The following ANKRD40 variants were observed in gnomAD, a reference collection of about 807,000 sequenced individuals.
ANKRD40 encodes ankyrin repeat domain-containing protein 40.
ANKRD40 carries 24 observed loss-of-function variants against 35.5 expected under a neutral mutation model. That is an observed-to-expected ratio of 0.68 (90% CI 0.49 to 0.95). ANKRD40 has a LOEUF of 0.95. Among genes scored for constraint, ANKRD40 ranks in the 40% least tolerant of loss-of-function variants. The pLI is 0.00. For synonymous variants in ANKRD40, 147 were observed against 173.5 expected (o/e 0.85, Z 1.20); for missense variants, 361 against 436.0 (o/e 0.83, Z 1.53).
chr17:50,706,013 T>G lies in ANKRD40; in HGVS notation c.134+1508A>C, dbSNP rs73346397. Among the ~76,000 whole-genome samples, 705 of 151,972 alleles carry G rather than the reference T, an allele frequency of 4.6e-3. 4 individuals are homozygous for G. The highest frequency in any genetic ancestry group is 0.016 in the African/African-American group (661 of 41,438). ...AAACCATGGTTCTGGTGCTATCATATTAATAGTTATGTGGCCTAGGGCAAG... is the reference window on the plus strand; with the variant it reads ...AAACCATGGTTCTGGTGCTATCATAGTAATAGTTATGTGGCCTAGGGCAAG... On this transcript the variant is annotated intron_variant, in intron 1 of 4. Coordinates refer to ENST00000285243, the MANE Select transcript of ANKRD40 (RefSeq NM_052855.4).
At chr17:50,696,756 C>CAA (rs56236009) in intron 4 of ANKRD40, 184 bp downstream of exon 4, 32,175 of 324,714 alleles carry the variant, frequency 0.099, 1,650 homozygotes, top group African/African-American at 0.26. Flanking sequence ...CTTGACTTGC[C>CAA]AAAAAAAAAA....
In ANKRD40 at chr17:50,699,701, C is replaced by A; in HGVS notation, c.476G>T (p.Gly159Val). 6.2e-7 allele frequency: 1 copy of A among 1,613,964 alleles called. No homozygotes were observed. Among genetic ancestry groups the A allele is most frequent in the Non-Finnish European group, 8.5e-7 (1 of 1,179,900 alleles). ...STPPASPPADGSPPLLPPGEP... is the reference protein window; with the variant it reads ...STPPASPPADVSPPLLPPGEP... Reference sequence around the variant, plus strand: ...CCCAGGGGGAAGCAATGGAGGTGAGCCATCTGCAGGGGGTGATGCAGGGGG... The same window carrying A: ...CCCAGGGGGAAGCAATGGAGGTGAGACATCTGCAGGGGGTGATGCAGGGGG... Residue 159 changes from glycine to valine, a missense_variant, in exon 3 of 5, where the codon GGC becomes GTC. By Grantham distance (109) the Gly-to-Val change is moderately radical. Around this residue, in one of 5 missense-constraint regions of ANKRD40, gnomAD observed 172 missense variants for 174.0 expected, o/e 0.99. Coordinates refer to ENST00000285243, the MANE Select transcript of ANKRD40 (RefSeq NM_052855.4).
In ANKRD40 at chr17:50,697,115, ACCAGCTCT is replaced by A. The variant is rs1379396767; in HGVS notation, c.779-2_784del. 1.9e-6 allele frequency: 3 copies of A among 1,611,442 alleles called. No homozygotes were observed. The highest frequency in any genetic ancestry group is 3.4e-5 in the Admixed American group (2 of 59,184). On this transcript the variant is annotated splice_acceptor_variant and coding_sequence_variant, in exon 4 of 5. Coordinates refer to ENST00000285243, the MANE Select transcript of ANKRD40 (RefSeq NM_052855.4). LOFTEE classifies it high-confidence loss of function. ...TGGGTTCTGAATTCTCACCTTGAGT[ACCAGCTCT>A]AGAAAAAAAAGGAGAAATGTTAATG...
chr17:50,695,837 G>C lies in ANKRD40; in HGVS notation c.*160C>G. The C allele has an allele frequency of 1.3e-6, 1 of 762,374 alleles. No homozygotes were observed. Among genetic ancestry groups the C allele is most frequent in the Non-Finnish European group, 2.0e-6 (1 of 498,070 alleles). The allele number at this position is 762,374 out of a possible 1,614,324, so 47.2% of individuals were successfully genotyped here. A position where few individuals can be genotyped will look rare whatever the true frequency, so the allele number is the denominator to read the frequency against. On this transcript the variant is annotated 3_prime_UTR_variant, in exon 5 of 5. Coordinates refer to ENST00000285243, the MANE Select transcript of ANKRD40 (RefSeq NM_052855.4). ...TGGAAGAGTGGCACCACTGCTTGGG[G>C]GTCAGGGGCTTCCTACCTTGGCAGA...
At chr17:50,702,683 A>G (rs1968285592) in intron 1 of ANKRD40, among the ~76,000 whole-genome samples, 1 of 152,152 alleles carries the variant, frequency 6.6e-6, no homozygotes, top group African/African-American at 2.4e-5. Flanking sequence ...AAAGGAGGTA[A>G]TTTACTACCA....
Position 50,697,137 on chromosome 17 carries a change from G to A in ANKRD40, c.779-16C>T. On this transcript the variant is annotated splice_polypyrimidine_tract_variant and intron_variant, in intron 3 of 4. Transcript: ENST00000285243. The stretch of plus-strand genomic sequence containing the variant: ...AGTACCAGCTCTAGAAAAAAAAGGA[G>A]AAATGTTAATGAATAGTTCTGGCAC... The A allele has an allele frequency of 1.2e-6, 2 of 1,604,532 alleles. No individual in the cohort carries two copies. The highest frequency in any genetic ancestry group is 8.5e-7 in the Non-Finnish European group (1 of 1,175,270).
intron 3 of ANKRD40, among the ~76,000 whole-genome samples, chr17:50,698,882 A>C (rs1168628795): frequency 6.6e-6 from 1 of 151,346 alleles, no homozygotes; most frequent in Non-Finnish European, 1.5e-5. Context: ...ATTCACACCT[A>C]TAATCTCAGC....
At chr17:50,696,776 G>T in intron 4 of ANKRD40, 164 bp downstream of exon 4, 3 of 493,136 alleles carry the variant, frequency 6.1e-6, no homozygotes, top group Non-Finnish European at 6.3e-6. Context: ...AAAAAAGCCA[G>T]TGTCCCTATA....
chr17:50,699,332 C>A, intron 3 of ANKRD40, 67 bp downstream of exon 3: 1 of 1,559,018 alleles, frequency 6.4e-7, no homozygotes, highest in Non-Finnish European at 8.7e-7. Flanking sequence ...CAGAATACCT[C>A]ATTAAATCCC....
chr17:50,705,250 A>G (rs1021452379), intron 1 of ANKRD40, among the ~76,000 whole-genome samples: 1 of 152,190 alleles, frequency 6.6e-6, no homozygotes, highest in African/African-American at 2.4e-5. Context: ...AAAATGAAGC[A>G]TCTCAGGCAA....
Position 50,695,802 on chromosome 17 carries a change from C to A in ANKRD40, c.*195G>T, listed in dbSNP as rs986409097. 2 of 561,538 alleles carry A rather than the reference C, an allele frequency of 3.6e-6. No homozygotes were observed. Among genetic ancestry groups the A allele is most frequent in the African/African-American group, 1.9e-5 (1 of 53,394 alleles). 34.8% of individuals were successfully genotyped at this position (561,538 alleles called of 1,614,324 possible). On this transcript the variant is annotated 3_prime_UTR_variant, in exon 5 of 5. Coordinates refer to ENST00000285243, the MANE Select transcript of ANKRD40 (RefSeq NM_052855.4). Reference sequence around the variant, plus strand: ...CTTCAAGCAATAGGTTTACTGTGCACCAAGAGGCTTGGAAGAGTGGCACCA... The same window carrying A: ...CTTCAAGCAATAGGTTTACTGTGCAACAAGAGGCTTGGAAGAGTGGCACCA...
Position 50,695,869 on chromosome 17 carries a change from TTAG to T in ANKRD40, c.*125_*127del, listed in dbSNP as rs2146655055. ...GGCTTCCTACCTTGGCAGAATGATG[TTAG>T]TATATACTATGCAGTGGCACCAGAG... On this transcript the variant is annotated 3_prime_UTR_variant, in exon 5 of 5. Coordinates refer to ENST00000285243, the MANE Select transcript of ANKRD40 (RefSeq NM_052855.4). 1 of 1,120,414 alleles carries T rather than the reference TTAG, an allele frequency of 8.9e-7. No homozygotes were observed. Among genetic ancestry groups the T allele is most frequent in the East Asian group, 2.4e-5 (1 of 40,962 alleles). 69.4% of individuals were successfully genotyped at this position (1,120,414 alleles called of 1,614,324 possible).
rs1968157816 is a variant in ANKRD40, at chr17:50,693,672, G to A, written c.*2325C>T. On this transcript the variant is annotated 3_prime_UTR_variant, in exon 5 of 5. Coordinates refer to ENST00000285243, the MANE Select transcript of ANKRD40 (RefSeq NM_052855.4). ...CTGCTCCACTTTAATTAATCTGGGT[G>A]GCTGAAAGTGTTTTAACCCAAGTAA... The A allele has an allele frequency of 6.6e-6, 1 of 152,224 alleles. No homozygotes were observed. The highest frequency in any genetic ancestry group is 6.5e-5 in the Admixed American group (1 of 15,288). 9.4% of individuals were successfully genotyped at this position (152,224 alleles called of 1,614,324 possible). A position where few individuals can be genotyped will look rare whatever the true frequency, so the allele number is the denominator to read the frequency against.
chr17:50,704,975 G>A (rs1412824994), intron 1 of ANKRD40, among the ~76,000 whole-genome samples: 3 of 152,036 alleles, frequency 2.0e-5, no homozygotes, highest in Admixed American at 6.5e-5. Context: ...TTAGCCGGGC[G>A]TGGTGGCGGG....
chr17:50,699,865 A>G lies in ANKRD40; in HGVS notation c.312T>C (p.Asp104=), dbSNP rs757230507. The change falls in exon 3 of 5, where the codon GAT becomes GAC. Residue 104 remains aspartate (D), a synonymous_variant. Coordinates refer to ENST00000285243, the MANE Select transcript of ANKRD40 (RefSeq NM_052855.4). The part of the protein sequence containing the change: ...GVEEEDDDDD[D]DDNLPQLKKE... The stretch of plus-strand genomic sequence containing the variant: ...TCTTCAGCTGGGGGAGGTTGTCATC[A>G]TCATCATCATCATCATCTTCTTCTT... 8.6e-6 allele frequency: 13 copies of G among 1,511,752 alleles called. No homozygotes were observed. In the African/African-American group the frequency reaches 1.8e-4, roughly 21 times the overall value. The allele number at this position is 1,511,752 out of a possible 1,614,324, so 93.6% of individuals were successfully genotyped here.
chr17:50,705,007 G>A (rs1193421830), intron 1 of ANKRD40, among the ~76,000 whole-genome samples: 3 of 151,690 alleles, frequency 2.0e-5, no homozygotes, highest in Admixed American at 6.6e-5. Flanking sequence ...CCAGCTACTC[G>A]GGAGGCTGAG....
Position 50,696,950 on chromosome 17 carries a change from A to T in ANKRD40, c.950T>A (p.Leu317Gln). 6.2e-7 allele frequency: 1 copy of T among 1,601,730 alleles called. No individual in the cohort carries two copies. The highest frequency in any genetic ancestry group is 8.5e-7 in the Non-Finnish European group (1 of 1,175,044). The change falls in exon 4 of 5, where the codon CTG becomes CAG. Residue 317 changes from leucine to glutamine, a missense_variant. Transcript: ENST00000285243. ...VEKIRKLPNT[L>Q]LRKDKDVARL... ...TTAGACTTTTCTTACCTTCCTTAAC[A>T]GAGTATTGGGTAACTTTCTGATCTT... is the stretch of plus-strand genomic sequence containing the variant.
chr17:50,706,039 T>C (rs553122787), intron 1 of ANKRD40, among the ~76,000 whole-genome samples: 16 of 152,138 alleles, frequency 1.1e-4, no homozygotes, highest in African/African-American at 3.9e-4. Context: ...CTAGGGCAAG[T>C]TATTCTCTGT....
chr17:50,707,734 C>A lies in ANKRD40; in HGVS notation c.-80G>T. On this transcript the variant is annotated 5_prime_UTR_variant, in exon 1 of 5. Transcript: ENST00000285243. The surrounding 1 kb of genome is among the most constrained non-coding windows in gnomAD (Gnocchi z 4.8). ...CCTGTCAGCGCCGCCGCCGTCGCCG[C>A]GGCCCGCTCCCGGCCATGGGGAGGG... The A allele has an allele frequency of 9.2e-7, 1 of 1,085,942 alleles. No homozygotes were observed. Among genetic ancestry groups the A allele is most frequent in the Non-Finnish European group, 1.1e-6 (1 of 878,106 alleles). 67.3% of individuals were successfully genotyped at this position (1,085,942 alleles called of 1,614,324 possible).
Sources: gnomAD v4.1 joint callset for allele counts (sites outside exome capture counted in the v4.1 genomes callset) on GRCh38, gnomAD v4.1.1 for gene constraint, gnomAD v4.1.1 regional missense constraint, Gnocchi (gnomAD v3.1) non-coding constraint, MANE v1.5 for transcripts, NCBI Gene and HGNC (gene_info 2026-07-23, HGNC 2026-07-21) for gene names.